The following PARD3B variants were observed in gnomAD, a reference collection of about 807,000 sequenced individuals.
PARD3B encodes partitioning defective 3 homolog B.
Under a neutral mutation model 130.2 loss-of-function variants are expected in PARD3B, and 103 were observed. That is an observed-to-expected ratio of 0.79 (90% confidence interval 0.67 to 0.93). PARD3B has a LOEUF of 0.93. PARD3B is among the 40% of genes least tolerant of loss of function. The probability of loss-of-function intolerance (pLI) is 0.00; values close to 1 mark genes in which losing one functional copy is unlikely to be tolerated. For missense variants in PARD3B, 1,609 were observed against 1,499.2 expected, an observed-to-expected ratio of 1.07 and a Z score of -1.21; for synonymous variants, 583 against 553.2, an observed-to-expected ratio of 1.05 and a Z score of -0.76.
chr2:204,809,793 T>G (rs567404344), intron 2 of PARD3B, among the ~76,000 whole-genome samples: 14 of 152,302 alleles, frequency 9.2e-5, no homozygotes, highest in African/African-American at 3.1e-4. Flanking sequence ...TCATTGGTAG[T>G]TTGATAGGAA....
chr2:205,610,340 TG>T (rs1489426250), intron 22 of PARD3B, among the ~76,000 whole-genome samples: 31 of 152,208 alleles, frequency 2.0e-4, no homozygotes, highest in African/African-American at 7.5e-4. Flanking sequence ...CCTAAGACCC[TG>T]TGTTTGAAAT....
chr2:205,161,457 C>G (rs1576013285), intron 11 of PARD3B, among the ~76,000 whole-genome samples: 1 of 152,100 alleles, frequency 6.6e-6, no homozygotes, highest in Non-Finnish European at 1.5e-5. Context: ...TCTTGTTTAC[C>G]TTTTGCAGTG....
At chr2:205,391,829 T>C (rs2045869902) in intron 18 of PARD3B, among the ~76,000 whole-genome samples, 2 of 152,200 alleles carry the variant, frequency 1.3e-5, no homozygotes, top group Admixed American at 1.3e-4. Context: ...TTATTTAATT[T>C]TAATTTCTGG....
intron 4 of PARD3B, among the ~76,000 whole-genome samples, chr2:205,067,976 G>A (rs948506695): frequency 1.3e-5 from 2 of 152,006 alleles, no homozygotes; most frequent in African/African-American, 4.8e-5. Context: ...TTTATTTCTT[G>A]CATTGTCCCT....
chr2:205,182,373 T>C (rs1289282548), intron 13 of PARD3B, among the ~76,000 whole-genome samples: 1 of 150,040 alleles, frequency 6.7e-6, no homozygotes, highest in Non-Finnish European at 1.5e-5. Context: ...TACTTACCTC[T>C]ACACCGATCA....
At chr2:204,990,005 C>T (rs1488033336) in intron 3 of PARD3B, among the ~76,000 whole-genome samples, 2 of 152,050 alleles carry the variant, frequency 1.3e-5, no homozygotes, top group Non-Finnish European at 2.9e-5. Flanking sequence ...TGCCAAATTG[C>T]TTCCCACAGT....
rs1270461677 is a variant in PARD3B, at chr2:205,341,163, C to T, written c.2630+39462C>T. On this transcript the variant is annotated intron_variant, in intron 18 of 22. Transcript: ENST00000406610. This position sits in a 1 kb window ranked among gnomAD's most constrained non-coding sequence, Gnocchi z 4.3. ...TTGGTGGGGATGTAAATTAGTAGAA[C>T]CATTATGGGAAACAGTATAGTGGTT... Among the ~76,000 whole-genome samples the T allele has an allele frequency of 1.3e-5, 2 of 151,968 alleles. No individual in the cohort carries two copies. The highest frequency in any genetic ancestry group is 4.1e-4 in the South Asian group (2 of 4,822).
chr2:205,546,880 TC>T (rs1450033485), intron 21 of PARD3B, among the ~76,000 whole-genome samples: 16 of 152,146 alleles, frequency 1.1e-4, no homozygotes, highest in African/African-American at 3.6e-4. Flanking sequence ...TTAAAATATA[TC>T]CAATAGCATA....
At chr2:205,052,264 G>A (rs1007276280) in intron 4 of PARD3B, among the ~76,000 whole-genome samples, 4 of 151,572 alleles carry the variant, frequency 2.6e-5, no homozygotes, top group Non-Finnish European at 4.4e-5. Flanking sequence ...ATCCTGCAGG[G>A]CGAGAAAATT....
chr2:205,401,192 C>T, intron 19 of PARD3B, 69 bp downstream of exon 19: 2 of 1,218,210 alleles, frequency 1.6e-6, no homozygotes, highest in Non-Finnish European at 2.4e-6. Flanking sequence ...GATATTGCAA[C>T]AGTCAACTGG....
chr2:205,330,999 G>T (rs1400635439), intron 18 of PARD3B, among the ~76,000 whole-genome samples: 1 of 152,110 alleles, frequency 6.6e-6, no homozygotes, highest in East Asian at 1.9e-4. Flanking sequence ...CGACGGAAAA[G>T]AAAAAGCAGA....
At chr2:205,314,295 G>A (rs2042488225) in intron 18 of PARD3B, among the ~76,000 whole-genome samples, 1 of 152,156 alleles carries the variant, frequency 6.6e-6, no homozygotes, top group Non-Finnish European at 1.5e-5. Flanking sequence ...GAGACACTGA[G>A]AAGTGAAGCA....
intron 2 of PARD3B, among the ~76,000 whole-genome samples, chr2:204,772,767 A>G (rs1228866275): frequency 6.6e-6 from 1 of 152,208 alleles, no homozygotes; most frequent in Non-Finnish European, 1.5e-5. Flanking sequence ...TTGAAATGCA[A>G]CAAATGGAAA....
At chr2:205,481,476 A>T (rs1194915009) in intron 20 of PARD3B, among the ~76,000 whole-genome samples, 1 of 152,178 alleles carries the variant, frequency 6.6e-6, no homozygotes, top group Non-Finnish European at 1.5e-5. Flanking sequence ...ACTAGCTGCC[A>T]TGCTGCTATG....
chr2:205,310,977 C>T (rs2042368169), intron 18 of PARD3B, among the ~76,000 whole-genome samples: 1 of 152,070 alleles, frequency 6.6e-6, no homozygotes, highest in African/African-American at 2.4e-5. Context: ...CCGCCTTGGC[C>T]TCCCAAAGTG....
intron 2 of PARD3B, among the ~76,000 whole-genome samples, chr2:204,720,202 G>C (rs2038931103): frequency 6.6e-6 from 1 of 152,180 alleles, no homozygotes; most frequent in Admixed American, 6.6e-5. Flanking sequence ...CAGCAGAAAT[G>C]ATCCATATAC....
intron 16 of PARD3B, among the ~76,000 whole-genome samples, chr2:205,251,128 G>A (rs371174455): frequency 1.1e-4 from 17 of 152,072 alleles, no homozygotes; most frequent in African/African-American, 2.2e-4. Flanking sequence ...CTTTACTTGC[G>A]TTGTGTAACC....
chr2:205,060,010 C>T (rs1224429550), intron 4 of PARD3B, among the ~76,000 whole-genome samples: 1 of 152,056 alleles, frequency 6.6e-6, no homozygotes, highest in Non-Finnish European at 1.5e-5. Context: ...CAGGCTCAAA[C>T]GAGTTAACTT....
chr2:204,699,036 T>A (rs2037754508), intron 2 of PARD3B, among the ~76,000 whole-genome samples: 1 of 152,140 alleles, frequency 6.6e-6, no homozygotes, highest in Non-Finnish European at 1.5e-5. Context: ...ATAATGTGGT[T>A]AATACTCCAG....
Sources: allele counts gnomAD v4.1 joint callset (sites outside exome capture counted in the v4.1 genomes callset), GRCh38; gene constraint gnomAD v4.1.1; non-coding constraint Gnocchi (gnomAD v3.1); transcripts MANE v1.5; gene names NCBI Gene and HGNC (gene_info 2026-07-23, HGNC 2026-07-21).